The following COX16 variants were observed in gnomAD, a reference collection of about 807,000 sequenced individuals.
The protein encoded by COX16 is cytochrome c oxidase assembly factor COX16, also known as cytochrome c oxidase assembly protein COX16 homolog, mitochondrial.
A neutral mutation model predicts 15.4 loss-of-function variants in COX16; 12 were observed. The ratio of observed to expected loss-of-function variants is 0.78; its 90% confidence interval spans 0.50 to 1.26. The LOEUF is 1.26. Ranked by LOEUF, COX16 falls within the 50% of genes most tolerant of loss-of-function variation. COX16 has a pLI of 0.00. For synonymous variants in COX16, 46 were observed against 41.1 expected (o/e 1.12, Z -0.46); for missense variants, 124 against 127.6 (o/e 0.97, Z 0.14).
chr14:70,338,857 T>C (rs1234179486), intron 2 of COX16, among the ~76,000 whole-genome samples: 1 of 152,154 alleles, frequency 6.6e-6, no homozygotes, highest in Admixed American at 6.5e-5. Flanking sequence ...CATTCCTGTC[T>C]CCACCATGCC....
chr14:70,342,579 G>C lies in COX16; in HGVS notation c.141+79C>G, dbSNP rs376677860. The C allele has an allele frequency of 2.1e-4, 299 of 1,403,068 alleles. No individual in the cohort carries two copies. The African/African-American group carries it at 3.6e-3, about 17-fold the overall frequency. The allele number at this position is 1,403,068 out of a possible 1,614,324, so 86.9% of individuals were successfully genotyped here. A position where few individuals can be genotyped will look rare whatever the true frequency, so the allele number is the denominator to read the frequency against. On this transcript the variant is annotated intron_variant, in intron 2 of 3. Transcript: ENST00000389912. ...AAGCAAGACAAACTCAGACTACTTA[G>C]TATACTGAGTATACAATTCTCCTAA... is the stretch of plus-strand genomic sequence containing the variant.
intron 1 of COX16, among the ~76,000 whole-genome samples, chr14:70,358,380 T>TA (rs1887197094): frequency 1.4e-5 from 2 of 146,852 alleles, no homozygotes; most frequent in African/African-American, 5.0e-5. Context: ...AATTTTTTTT[T>TA]TTTTTTTTTT....
At chr14:70,347,951 T>C (rs183932470) in intron 1 of COX16, among the ~76,000 whole-genome samples, 1 of 152,146 alleles carries the variant, frequency 6.6e-6, no homozygotes, top group East Asian at 1.9e-4. Context: ...CTGCATAGCC[T>C]ATTACCCAAC....
chr14:70,352,638 T>C (rs1351336205), intron 1 of COX16, among the ~76,000 whole-genome samples: 1 of 112,654 alleles, frequency 8.9e-6, no homozygotes, highest in Non-Finnish European at 1.9e-5. Context: ...TATATTTCTT[T>C]TTTTTTCTTT....
At chr14:70,355,297 A>G (rs534033425) in intron 1 of COX16, among the ~76,000 whole-genome samples, 1 of 152,108 alleles carries the variant, frequency 6.6e-6, no homozygotes, top group Non-Finnish European at 1.5e-5. Flanking sequence ...CTCTTCCCTC[A>G]TATCTGGTTT....
chr14:70,356,207 C>CGGGGGTG (rs936010705), intron 1 of COX16, among the ~76,000 whole-genome samples: 1 of 98,130 alleles, frequency 1.0e-5, no homozygotes, highest in Non-Finnish European at 1.9e-5. Flanking sequence ...CAGATGGTGG[C>CGGGGGTG]GGGGGTGGGG....
At chr14:70,341,751 C>T (rs762429305) in intron 2 of COX16, among the ~76,000 whole-genome samples, 2 of 152,044 alleles carry the variant, frequency 1.3e-5, no homozygotes, top group Non-Finnish European at 1.5e-5. Flanking sequence ...TTTTACTTTA[C>T]GATCCATTTA....
intron 2 of COX16, among the ~76,000 whole-genome samples, chr14:70,342,337 T>C (rs1274434739): frequency 1.3e-5 from 2 of 152,034 alleles, no homozygotes; most frequent in Non-Finnish European, 2.9e-5. Context: ...TCTCAGCTAC[T>C]CGGGAGGCTG....
intron 3 of COX16, among the ~76,000 whole-genome samples, chr14:70,327,812 C>T (rs557716378): frequency 4.3e-4 from 65 of 152,176 alleles, no homozygotes; most frequent in African/African-American, 1.6e-3. Context: ...TTCTACAAAA[C>T]GTGCACAGTG....
At chr14:70,342,591 T>A in intron 2 of COX16, 67 bp downstream of exon 2, 7 of 1,517,672 alleles carry the variant, frequency 4.6e-6, no homozygotes, top group Non-Finnish European at 6.2e-6. Flanking sequence ...ATACTGAGTA[T>A]ACAATTCTCC....
At chr14:70,349,560 C>T (rs1886883157) in intron 1 of COX16, among the ~76,000 whole-genome samples, 1 of 152,158 alleles carries the variant, frequency 6.6e-6, no homozygotes, top group African/African-American at 2.4e-5. Flanking sequence ...ACCCTACAGG[C>T]CTCAATCTTC....
In COX16 at chr14:70,326,338, T is replaced by C; in HGVS notation, c.316A>G (p.Thr106Ala). 1 of 1,496,328 alleles carries C rather than the reference T, an allele frequency of 6.7e-7. No homozygotes were observed. Among genetic ancestry groups the C allele is most frequent in the South Asian group, 1.4e-5 (1 of 72,028 alleles). 92.7% of individuals were successfully genotyped at this position (1,496,328 alleles called of 1,614,324 possible). A position where few individuals can be genotyped will look rare whatever the true frequency, so the allele number is the denominator to read the frequency against. ...RNPESLKTKT[T>A] is the part of the protein sequence containing the mutation. ...GGAAAAAAGAATCAGCAGAGTCAAG[T>C]TGTCTTAGTCTTAAGGCTTTCTGGA... The change falls in exon 4 of 4, where the codon ACT becomes GCT. Residue 106 changes from threonine (T) to alanine (A), a missense_variant. By Grantham distance (58) the Thr-to-Ala change is moderately conservative (BLOSUM62 0). Transcript: ENST00000389912.
intron 1 of COX16, among the ~76,000 whole-genome samples, chr14:70,346,267 G>A (rs1245130766): frequency 1.3e-5 from 2 of 152,198 alleles, no homozygotes; most frequent in African/African-American, 4.8e-5. Flanking sequence ...TTTAACAATC[G>A]TGATAGGGAA....
intron 2 of COX16, among the ~76,000 whole-genome samples, chr14:70,336,775 C>G (rs1886469433): frequency 6.6e-6 from 1 of 152,200 alleles, no homozygotes; most frequent in Non-Finnish European, 1.5e-5. Context: ...AATCAAACCT[C>G]TACCTAAGAT....
rs1411572369 is a variant in COX16 at position 70,350,327 on chromosome 14, CTG to C, written c.70-7600_70-7599del. ...TAGGACACTTCCTGTTTACAGGAGA[CTG>C]TAAAACTTTCGTCCCGTCCTCACTT... On this transcript the variant is annotated intron_variant, in intron 1 of 3. Transcript: ENST00000389912. Among the ~76,000 whole-genome samples, 7 of 152,206 alleles carry C rather than the reference CTG, an allele frequency of 4.6e-5. 1 individual carries two copies. Among genetic ancestry groups the C allele is most frequent in the Admixed American group, 4.6e-4 (7 of 15,282 alleles).
intron 2 of COX16, among the ~76,000 whole-genome samples, chr14:70,334,825 A>G (rs1475729893): frequency 6.6e-6 from 1 of 152,236 alleles, no homozygotes; most frequent in African/African-American, 2.4e-5. Context: ...AAAACAAGCA[A>G]CAAAATGGCA....
intron 1 of COX16, among the ~76,000 whole-genome samples, chr14:70,357,509 A>C (rs1283523951): frequency 4.6e-5 from 7 of 152,248 alleles, no homozygotes; most frequent in Non-Finnish European, 7.3e-5. Context: ...AAAGACTGGC[A>C]GATTTGTTGG....
At chr14:70,357,009 T>C (rs920050042) in intron 1 of COX16, among the ~76,000 whole-genome samples, 2 of 150,950 alleles carry the variant, frequency 1.3e-5, no homozygotes, top group African/African-American at 4.9e-5. Context: ...GGTAGAGAGG[T>C]TGGAGCTCTT....
intron 1 of COX16, among the ~76,000 whole-genome samples, chr14:70,345,352 G>A (rs529031253): frequency 1.1e-4 from 17 of 152,292 alleles, no homozygotes; most frequent in Admixed American, 5.9e-4. Context: ...CCATTTGATC[G>A]TGTTCCAGGA....
Sources: allele counts gnomAD v4.1 joint callset (sites outside exome capture counted in the v4.1 genomes callset), GRCh38; gene constraint gnomAD v4.1.1; transcripts MANE v1.5; gene names NCBI Gene and HGNC (gene_info 2026-07-23, HGNC 2026-07-21).